Variants in ANK3 observed in about 807,000 individuals in gnomAD.
ANK3 encodes the protein ankyrin-3.
In ANK3, 57 loss-of-function variants were observed where a neutral mutation model predicts 370.9. The observed-to-expected ratio is 0.15, with a 90% CI of 0.12 to 0.19. ANK3 has a LOEUF of 0.19. Ranked by LOEUF, ANK3 falls within the 10% of genes least tolerant of loss-of-function variation. ANK3 has a pLI of 1.00. For missense variants in ANK3, 4,439 were observed against 5,302.1 expected, an observed-to-expected ratio of 0.84 and a Z score of 5.06; for synonymous variants, 1,929 against 1,946.3, an observed-to-expected ratio of 0.99 and a Z score of 0.23.
chr10:60,460,909 AT>A (rs1203013624), intron 2 of ANK3, among the ~76,000 whole-genome samples: 1 of 152,194 alleles, frequency 6.6e-6, no homozygotes, highest in African/African-American at 2.4e-5. Flanking sequence ...ACCATAGAGG[AT>A]TTTGAGTGAG....
intron 1 of ANK3, among the ~76,000 whole-genome samples, chr10:60,705,930 C>T: frequency 6.7e-6 from 1 of 150,034 alleles, no homozygotes; most frequent in East Asian, 2.0e-4. Context: ...TCAGATGATC[C>T]TCCCACCTCA....
chr10:60,451,804 C>T (rs1446588520), intron 2 of ANK3, among the ~76,000 whole-genome samples: 1 of 152,168 alleles, frequency 6.6e-6, no homozygotes, highest in Non-Finnish European at 1.5e-5. Context: ...TGGAGCTACC[C>T]TTAGGCCTAG....
chr10:60,097,070 T>C (rs748589503), intron 28 of ANK3, among the ~76,000 whole-genome samples: 7 of 152,202 alleles, frequency 4.6e-5, no homozygotes, highest in African/African-American at 7.2e-5. Context: ...AGGAGGAAGA[T>C]TGAACTTTAC....
chr10:60,578,578 G>C (rs1208733059), intron 2 of ANK3, among the ~76,000 whole-genome samples: 1 of 152,200 alleles, frequency 6.6e-6, no homozygotes, highest in Non-Finnish European at 1.5e-5. Context: ...ATATTAAAAT[G>C]ACTAAGAACT....
At chr10:60,619,540 A>G (rs1205157767) in intron 1 of ANK3, among the ~76,000 whole-genome samples, 1 of 152,212 alleles carries the variant, frequency 6.6e-6, no homozygotes, top group Non-Finnish European at 1.5e-5. Context: ...CAGAAAAACA[A>G]AAATGCTTGG....
At chr10:60,043,749 G>A in intron 42 of ANK3, 6 of 985,406 alleles carry the variant, frequency 6.1e-6, no homozygotes, top group South Asian at 4.7e-5. Context: ...GCCAAGCCCT[G>A]GGTGGGGCTG....
In ANK3 at chr10:60,070,562, T is replaced by C; in HGVS notation, c.10319A>G (p.Glu3440Gly). The change falls in exon 37 of 44, where the codon GAA (glutamate) becomes GGA (glycine). Residue 3440 changes from glutamate (E) to glycine (G), a missense_variant. This residue lies in a region of ANK3 where 1,601 missense variants were observed against 1,731.7 expected (regional missense o/e 0.92). Coordinates refer to ENST00000280772, the MANE Select transcript of ANK3 (RefSeq NM_020987.5). The surrounding 1 kb of genome is among the most constrained non-coding windows in gnomAD (Gnocchi z 5.7). The part of the protein sequence containing the change: ...SDSKLPIQAM[E>G]IKKDIWNTEG... ...TGTGTTCCAGATATCTTTCTTAATT[T>C]CCATGGCTTGAATTGGGAGTTTAGA... 6.2e-7 allele frequency: 1 copy of C among 1,614,174 alleles called. No homozygotes were observed. The highest frequency in any genetic ancestry group is 1.1e-5 in the South Asian group (1 of 91,080).
chr10:60,698,866 A>T (rs1197733219), intron 1 of ANK3, among the ~76,000 whole-genome samples: 1 of 150,440 alleles, frequency 6.6e-6, no homozygotes, highest in East Asian at 2.0e-4. Flanking sequence ...ACTAACGTGC[A>T]CATTGTGCAC....
At chr10:60,298,157 T>C (rs2042937479) in intron 1 of ANK3, among the ~76,000 whole-genome samples, 1 of 152,206 alleles carries the variant, frequency 6.6e-6, no homozygotes, top group African/African-American at 2.4e-5. Flanking sequence ...TTGGATTACA[T>C]TTGGGCTTTG....
intron 23 of ANK3, chr10:60,140,098 G>T: frequency 1.9e-6 from 1 of 528,408 alleles, no homozygotes; most frequent in Non-Finnish European, 3.3e-6. Context: ...TCCTGCATTC[G>T]GTACTGTTTA....
At chr10:60,713,492 A>T (rs1041050854) in intron 1 of ANK3, among the ~76,000 whole-genome samples, 1 of 152,212 alleles carries the variant, frequency 6.6e-6, no homozygotes, top group Non-Finnish European at 1.5e-5. Flanking sequence ...TATTGAAGAA[A>T]TATATCAGAA....
At chr10:60,542,864 T>C (rs1003115738) in intron 2 of ANK3, among the ~76,000 whole-genome samples, 2 of 151,948 alleles carry the variant, frequency 1.3e-5, no homozygotes, top group African/African-American at 4.8e-5. Flanking sequence ...CTTATTTTAA[T>C]GATGTTTAAA....
chr10:60,714,753 G>A (rs1308539563), intron 1 of ANK3, among the ~76,000 whole-genome samples: 1 of 152,146 alleles, frequency 6.6e-6, no homozygotes. Context: ...AGCTACTCAA[G>A]AAGCTAAGGC....
chr10:60,346,437 G>C (rs1232824902), intron 1 of ANK3, among the ~76,000 whole-genome samples: 1 of 74,464 alleles, frequency 1.3e-5, no homozygotes, highest in Non-Finnish European at 3.7e-5. Flanking sequence ...AAATGAAATA[G>C]GCATACAAAA....
At chr10:60,709,284 T>C (rs1189645670) in intron 1 of ANK3, among the ~76,000 whole-genome samples, 6 of 40,574 alleles carry the variant, frequency 1.5e-4, no homozygotes, top group Admixed American at 6.1e-4. Flanking sequence ...GATATATCTA[T>C]ATCTATATCT....
intron 1 of ANK3, among the ~76,000 whole-genome samples, chr10:60,281,885 G>C (rs1214721591): frequency 6.6e-6 from 1 of 152,250 alleles, no homozygotes; most frequent in African/African-American, 2.4e-5. Context: ...CATTTAATCA[G>C]AGCAGAGGGT....
At chr10:60,475,669 T>A (rs2075043688) in intron 2 of ANK3, among the ~76,000 whole-genome samples, 1 of 152,166 alleles carries the variant, frequency 6.6e-6, no homozygotes, top group Non-Finnish European at 1.5e-5. Flanking sequence ...AGAGGGATTT[T>A]TTTTTCTCCT....
At chr10:60,036,262 C>T (rs971314873) in intron 43 of ANK3, among the ~76,000 whole-genome samples, 1 of 152,098 alleles carries the variant, frequency 6.6e-6, no homozygotes, top group Non-Finnish European at 1.5e-5. Flanking sequence ...TTCTAGCCAT[C>T]ACTGGCTGCT....
intron 28 of ANK3, among the ~76,000 whole-genome samples, chr10:60,092,269 C>A (rs1037652636): frequency 2.0e-5 from 3 of 152,160 alleles, no homozygotes; most frequent in African/African-American, 7.2e-5. Flanking sequence ...CTACAGGACT[C>A]TTTTCAGACC....
Sources: allele counts gnomAD v4.1 joint callset (sites outside exome capture counted in the v4.1 genomes callset), GRCh38; gene constraint gnomAD v4.1.1; regional missense constraint gnomAD v4.1.1; non-coding constraint Gnocchi (gnomAD v3.1); transcripts MANE v1.5; gene names NCBI Gene and HGNC (gene_info 2026-07-23, HGNC 2026-07-21).